Variants in FSTL4 observed in about 807,000 individuals in gnomAD.
FSTL4 encodes the protein follistatin like 4, also known as follistatin-related protein 4.
FSTL4 carries 28 observed loss-of-function variants against 78.2 expected under a neutral mutation model. The observed-to-expected ratio is 0.36, with a 90% CI of 0.27 to 0.49. The LOEUF (loss-of-function observed/expected upper bound fraction) is 0.49. Ranked by LOEUF, FSTL4 falls within the 20% of genes least tolerant of loss-of-function variation. The pLI, the probability that FSTL4 is intolerant of heterozygous loss-of-function variation, is 0.98. For missense variants in FSTL4, 922 were observed against 1,084.9 expected (o/e 0.85, Z 2.11); for synonymous variants, 422 against 440.5 (o/e 0.96, Z 0.53).
chr5:133,613,845 G>T (rs1357226768), upstream of FSTL4, among the ~76,000 whole-genome samples: 1 of 152,188 alleles, frequency 6.6e-6, no homozygotes, highest in Non-Finnish European at 1.5e-5. Context: ...AAGGATAAAG[G>T]CTACTACATC....
the FSTL4 span, among the ~76,000 whole-genome samples, chr5:133,688,407 C>T: frequency 1.1e-4 from 16 of 151,696 alleles, no homozygotes; most frequent in African/African-American, 7.3e-5. Context: ...AACGAGACTC[C>T]GTCTCAAAAA....
intron 3 of FSTL4, among the ~76,000 whole-genome samples, chr5:133,551,257 G>A (rs1205358637): frequency 1.3e-5 from 2 of 151,922 alleles, no homozygotes; most frequent in Non-Finnish European, 2.9e-5. Flanking sequence ...GTGGGAGGGA[G>A]GATAAATCAC....
intron 3 of FSTL4, among the ~76,000 whole-genome samples, chr5:133,511,120 G>T (rs1758723218): frequency 1.3e-5 from 2 of 152,108 alleles, no homozygotes; most frequent in Admixed American, 6.6e-5. Flanking sequence ...ATGCCTTCAA[G>T]GGCACCCCAA....
At chr5:133,224,116 C>A (rs147545561) in intron 11 of FSTL4, 74 bp downstream of exon 11, 4 of 1,205,844 alleles carry the variant, frequency 3.3e-6, no homozygotes, top group Admixed American at 3.6e-5. Flanking sequence ...GGTGGCAGAT[C>A]ATGGAAAGAC....
At chr5:133,412,857 C>T (rs1756506877) in intron 3 of FSTL4, among the ~76,000 whole-genome samples, 1 of 152,056 alleles carries the variant, frequency 6.6e-6, no homozygotes. Context: ...TCTTCTTTTG[C>T]TCTCCCACGA....
At chr5:133,618,557 C>A in the FSTL4 span, among the ~76,000 whole-genome samples, 2 of 152,222 alleles carry the variant, frequency 1.3e-5, no homozygotes, top group African/African-American at 4.8e-5. Flanking sequence ...ATCGTCATCA[C>A]TACCATCCAA....
chr5:133,827,459 G>C, the FSTL4 span, among the ~76,000 whole-genome samples: 2 of 152,276 alleles, frequency 1.3e-5, no homozygotes, highest in South Asian at 4.2e-4. Flanking sequence ...TATGGATGCA[G>C]ATAGTCTTGG....
chr5:133,348,111 A>G lies in FSTL4; in HGVS notation c.410-31459T>C, dbSNP rs995155594. ...AAAATAAGACATGAGGCTGAATGTT[A>G]TGGTCTCAGAGAAAAGTATGGTGCA... On this transcript the variant is annotated intron_variant, in intron 4 of 15. Coordinates refer to ENST00000265342, the MANE Select transcript of FSTL4 (RefSeq NM_015082.2). Among the ~76,000 whole-genome samples the G allele has an allele frequency of 1.8e-4, 27 of 152,204 alleles. 1 individual carries two copies. Among genetic ancestry groups the G allele is most frequent in the African/African-American group, 6.5e-4 (27 of 41,462 alleles).
At chr5:133,410,834 G>A (rs926344566) in intron 3 of FSTL4, among the ~76,000 whole-genome samples, 7 of 152,138 alleles carry the variant, frequency 4.6e-5, no homozygotes, top group Admixed American at 3.3e-4. Context: ...GTCTCTCAAC[G>A]GGATTATCAG....
At chr5:133,771,293 G>A in the FSTL4 span, among the ~76,000 whole-genome samples, 13 of 152,018 alleles carry the variant, frequency 8.6e-5, no homozygotes, top group South Asian at 2.1e-4. Flanking sequence ...GCATTGAGTC[G>A]GTGGATTGCT....
At chr5:133,792,566 C>G in the FSTL4 span, among the ~76,000 whole-genome samples, 2 of 152,170 alleles carry the variant, frequency 1.3e-5, no homozygotes, top group African/African-American at 4.8e-5. Flanking sequence ...AAACAACATC[C>G]TTGTTTCCGT....
At chr5:133,763,163 A>T in the FSTL4 span, among the ~76,000 whole-genome samples, 8 of 152,242 alleles carry the variant, frequency 5.3e-5, no homozygotes, top group African/African-American at 1.9e-4. Flanking sequence ...AGTACTTTGG[A>T]CATGAATTCC....
In FSTL4 at chr5:133,338,581, A is replaced by G. The variant is rs1318836124; in HGVS notation, c.410-21929T>C. On this transcript the variant is annotated intron_variant, in intron 4 of 15. Coordinates refer to ENST00000265342, the MANE Select transcript of FSTL4 (RefSeq NM_015082.2). The surrounding 1 kb of genome is among the most constrained non-coding windows in gnomAD (Gnocchi z 4.0). ...GCAGGGGAAGCTTGGAGCGGTGTCT[A>G]CTCACTATCCAGCCCAGTATCCACT... Among the ~76,000 whole-genome samples, 2 of 151,382 alleles carry G rather than the reference A, an allele frequency of 1.3e-5. No individual in the cohort carries two copies. Among genetic ancestry groups the G allele is most frequent in the African/African-American group, 4.9e-5 (2 of 41,092 alleles).
the FSTL4 span, among the ~76,000 whole-genome samples, chr5:133,774,328 G>A: frequency 6.6e-6 from 1 of 152,144 alleles, no homozygotes; most frequent in Admixed American, 6.6e-5. Context: ...GAAGTGATTT[G>A]CTTGTCAGGG....
chr5:133,256,080 G>C (rs1560082), intron 6 of FSTL4, among the ~76,000 whole-genome samples: 52,540 of 151,960 alleles, frequency 0.35, 10,485 homozygotes, highest in South Asian at 0.53. Context: ...TGATGCCATT[G>C]GTGAAAAAAA....
chr5:133,590,873 C>G (rs997907928), intron 2 of FSTL4, among the ~76,000 whole-genome samples: 2 of 152,156 alleles, frequency 1.3e-5, no homozygotes, highest in Non-Finnish European at 2.9e-5. Flanking sequence ...CTGCATACTC[C>G]CATGGTGAAA....
chr5:133,473,969 T>A (rs975233178), intron 3 of FSTL4, among the ~76,000 whole-genome samples: 1 of 152,098 alleles, frequency 6.6e-6, no homozygotes, highest in Admixed American at 6.5e-5. Context: ...TACATGGGGA[T>A]TGCAATTTGA....
At chr5:133,776,008 A>T in the FSTL4 span, among the ~76,000 whole-genome samples, 2 of 152,208 alleles carry the variant, frequency 1.3e-5, no homozygotes, top group Non-Finnish European at 2.9e-5. Context: ...CATCATCCCA[A>T]TAAGACCCAG....
In FSTL4 at chr5:133,611,852, G is replaced by A. The variant is rs1310254685; in HGVS notation, c.-11+473C>T. Among the ~76,000 whole-genome samples, 2 of 152,086 alleles carry A rather than the reference G, an allele frequency of 1.3e-5. 1 individual carries two copies. The highest frequency in any genetic ancestry group is 2.9e-5 in the Non-Finnish European group (2 of 67,968). On this transcript the variant is annotated intron_variant, in intron 1 of 15. Transcript: ENST00000265342. This position sits in a 1 kb window ranked among gnomAD's most constrained non-coding sequence, Gnocchi z 4.9. Reference sequence around the variant, plus strand: ...GAGGTGCTGAGAATGCCTGCCCGGCGCCCCAACCCGGAGCCAAGGGCACCG... The same window carrying A: ...GAGGTGCTGAGAATGCCTGCCCGGCACCCCAACCCGGAGCCAAGGGCACCG...
Sources: allele counts gnomAD v4.1 joint callset (sites outside exome capture counted in the v4.1 genomes callset), GRCh38; gene constraint gnomAD v4.1.1; non-coding constraint Gnocchi (gnomAD v3.1); transcripts MANE v1.5; gene names NCBI Gene and HGNC (gene_info 2026-07-23, HGNC 2026-07-21).